The following LAMA2 variants were observed in gnomAD, a reference collection of about 807,000 sequenced individuals.
The protein encoded by LAMA2 is laminin subunit alpha 2, also known as laminin subunit alpha-2.
LAMA2 carries 269 observed loss-of-function variants against 364.8 expected under a neutral mutation model. The observed-to-expected ratio is 0.74, with a 90% CI of 0.67 to 0.82. LAMA2 has a LOEUF of 0.82. LAMA2 is among the 40% of genes least tolerant of loss of function. The probability of loss-of-function intolerance (pLI) is 0.00; values close to 1 mark genes in which losing one functional copy is unlikely to be tolerated. For missense variants in LAMA2, 3,807 were observed against 3,873.2 expected, an observed-to-expected ratio of 0.98 and a Z score of 0.45; for synonymous variants, 1,379 against 1,370.6, an observed-to-expected ratio of 1.01 and a Z score of -0.14.
At chr6:129,409,269 A>C (rs960850599) in intron 40 of LAMA2, among the ~76,000 whole-genome samples, 5 of 152,184 alleles carry the variant, frequency 3.3e-5, no homozygotes, top group Admixed American at 2.6e-4. Flanking sequence ...TCTGTGAACC[A>C]GGCCCTAGTC....
chr6:129,476,231 C>T (rs572563636), intron 53 of LAMA2, among the ~76,000 whole-genome samples: 3 of 152,028 alleles, frequency 2.0e-5, no homozygotes, highest in East Asian at 1.9e-4. Context: ...ATAATAAAGC[C>T]GAACTGATCC....
At position 129,403,999 on chromosome 6, in the gene LAMA2, A is replaced by T. The variant is rs373493931; in HGVS notation, c.5865+40A>T. 3.0e-5 allele frequency: 48 copies of T among 1,610,110 alleles called. 1 individual carries two copies. In the African/African-American group the frequency reaches 5.6e-4, roughly 19 times the overall value. On this transcript the variant is annotated intron_variant, in intron 40 of 64. Transcript: ENST00000421865. ...GCACATGTGCTGGGAATGGAAGTCA[A>T]CCTTTTTGAATTTTTCAAATGTAAG...
chr6:129,081,284 C>T (rs1035851551), intron 3 of LAMA2, among the ~76,000 whole-genome samples: 5 of 151,924 alleles, frequency 3.3e-5, no homozygotes, highest in African/African-American at 9.7e-5. Context: ...AGGAGATACA[C>T]CTAATGTAAA....
intron 12 of LAMA2, among the ~76,000 whole-genome samples, chr6:129,226,491 A>G (rs1336387296): frequency 6.6e-6 from 1 of 152,092 alleles, no homozygotes; most frequent in Non-Finnish European, 1.5e-5. Context: ...TTCCATGTTT[A>G]GCACTTCCTT....
intron 4 of LAMA2, among the ~76,000 whole-genome samples, chr6:129,126,035 T>C (rs530825454): frequency 1.2e-4 from 19 of 152,196 alleles, no homozygotes; most frequent in Non-Finnish European, 2.5e-4. Context: ...AATTTATAAT[T>C]CTGCCTGCTG....
chr6:129,048,239 A>C (rs1412709299), intron 1 of LAMA2, among the ~76,000 whole-genome samples: 1 of 152,160 alleles, frequency 6.6e-6, no homozygotes, highest in Non-Finnish European at 1.5e-5. Flanking sequence ...CAATATTTAT[A>C]ATCTAATTAT....
At position 129,019,927 on chromosome 6, in the gene LAMA2, G is replaced by C. The variant is rs114081791; in HGVS notation, c.113-29991G>C. Among the ~76,000 whole-genome samples the C allele has an allele frequency of 3.7e-3, 558 of 151,886 alleles. 3 individuals are homozygous for C. The highest frequency in any genetic ancestry group is 0.013 in the African/African-American group (522 of 41,460). ...GGCGAAACCCTGGTCTCTACTAAAA[G>C]TACCAAAATCAGCCAGGTGTGGTGG... On this transcript the variant is annotated intron_variant, in intron 1 of 64. Transcript: ENST00000421865.
intron 37 of LAMA2, among the ~76,000 whole-genome samples, chr6:129,395,917 A>T (rs549272426): frequency 6.6e-6 from 1 of 152,342 alleles, no homozygotes; most frequent in Non-Finnish European, 1.5e-5. Context: ...AGAAGACTGC[A>T]TGTGAACGAC....
chr6:129,502,654 T>C lies in LAMA2; in HGVS notation c.8245-5T>C. On this transcript the variant is annotated splice_region_variant and splice_polypyrimidine_tract_variant and intron_variant, in intron 58 of 64. Coordinates refer to ENST00000421865, the MANE Select transcript of LAMA2 (RefSeq NM_000426.4). ...TCCTGTTTTTCTCTCCTGGGTATTT[T>C]ACAGGGTCCTTGTGCTGCAGAATCA... 1.9e-6 allele frequency: 3 copies of C among 1,604,030 alleles called. No homozygotes were observed. In the South Asian group the frequency reaches 3.3e-5, roughly 18 times the overall value.
chr6:129,314,927 G>A (rs1774483911), intron 24 of LAMA2, 129 bp downstream of exon 24: 2 of 943,028 alleles, frequency 2.1e-6, no homozygotes, highest in Non-Finnish European at 3.4e-6. Context: ...TGAACATTTA[G>A]GAACAGCAAA....
At chr6:128,983,219 A>G (rs985925741) in intron 1 of LAMA2, among the ~76,000 whole-genome samples, 1 of 152,108 alleles carries the variant, frequency 6.6e-6, no homozygotes, top group East Asian at 1.9e-4. Flanking sequence ...ACTAGTTTAC[A>G]GTCCCACCAA....
At chr6:129,370,306 G>A (rs1023912285) in intron 34 of LAMA2, among the ~76,000 whole-genome samples, 4 of 152,166 alleles carry the variant, frequency 2.6e-5, no homozygotes, top group Admixed American at 1.3e-4. Context: ...ATCTTTGATT[G>A]TGTAAAGAGA....
At chr6:129,124,943 G>A (rs2114925479) in intron 4 of LAMA2, among the ~76,000 whole-genome samples, 1 of 152,278 alleles carries the variant, frequency 6.6e-6, no homozygotes, top group East Asian at 1.9e-4. Flanking sequence ...CAAGGGAGCA[G>A]GTAAGAGGCT....
At chr6:128,975,752 G>A (rs1472808842) in intron 1 of LAMA2, among the ~76,000 whole-genome samples, 2 of 152,206 alleles carry the variant, frequency 1.3e-5, no homozygotes, top group African/African-American at 2.4e-5. Flanking sequence ...CATGTAAGAC[G>A]TGACTTTGCT....
chr6:128,959,926 T>A (rs1362274428), intron 1 of LAMA2, among the ~76,000 whole-genome samples: 2 of 151,940 alleles, frequency 1.3e-5, no homozygotes, highest in Non-Finnish European at 2.9e-5. Flanking sequence ...TTATAAAAAA[T>A]TAATATATTC....
At chr6:129,223,160 C>T (rs1050873755) in intron 12 of LAMA2, among the ~76,000 whole-genome samples, 5 of 152,020 alleles carry the variant, frequency 3.3e-5, no homozygotes, top group Admixed American at 1.3e-4. Context: ...AGTGTCTGTT[C>T]ATATCCTTTG....
intron 56 of LAMA2, among the ~76,000 whole-genome samples, chr6:129,489,068 A>C (rs1396059858): frequency 1.3e-5 from 2 of 152,242 alleles, no homozygotes; most frequent in South Asian, 2.1e-4. Flanking sequence ...CAGCCAATAG[A>C]TTATTCTTAC....
intron 56 of LAMA2, among the ~76,000 whole-genome samples, chr6:129,488,975 C>T (rs1889890): frequency 0.32 from 48,624 of 151,938 alleles, 8,366 homozygotes; most frequent in African/African-American, 0.45. Flanking sequence ...ATTAACTAAC[C>T]TGCCCAAAAT....
At position 129,192,851 on chromosome 6, in the gene LAMA2, A is replaced by C. The variant is rs1275003845; in HGVS notation, c.1780A>C (p.Lys594Gln). ...WSAPAPYLGNKLPAVGGQLTF... is the reference protein window; with the variant it reads ...WSAPAPYLGNQLPAVGGQLTF... ...CGCGCCGGCTCCCTATCTGGGAAAC[A>C]AAGTAAGTCCACGCTTGCTTCCCGC... Residue 594 changes from lysine to glutamine, a missense_variant and splice_region_variant, in exon 12 of 65, where the codon AAA becomes CAA. By Grantham distance (53) the Lys-to-Gln change is moderately conservative (BLOSUM62 1). This residue lies in a region of LAMA2 where 3,333 missense variants were observed against 3,345.7 expected (regional missense o/e 1.00). Coordinates refer to ENST00000421865, the MANE Select transcript of LAMA2 (RefSeq NM_000426.4). 1.9e-6 allele frequency: 3 copies of C among 1,613,776 alleles called. No homozygotes were observed. The highest frequency in any genetic ancestry group is 4.5e-5 in the East Asian group (2 of 44,896).
Sources: allele counts gnomAD v4.1 joint callset (sites outside exome capture counted in the v4.1 genomes callset), GRCh38; gene constraint gnomAD v4.1.1; regional missense constraint gnomAD v4.1.1; transcripts MANE v1.5; gene names NCBI Gene and HGNC (gene_info 2026-07-23, HGNC 2026-07-21).